The following RBFOX1 variants were observed in gnomAD, a reference collection of about 807,000 sequenced individuals.
RBFOX1 encodes the protein RNA binding fox-1 homolog 1, also known as RNA binding protein fox-1 homolog 1.
Under a neutral mutation model 57.7 loss-of-function variants are expected in RBFOX1, and 8 were observed. That is an observed-to-expected ratio of 0.14 (90% CI 0.08 to 0.25). The LOEUF is 0.25. Among genes scored for constraint, RBFOX1 ranks in the 10% least tolerant of loss-of-function variants. RBFOX1 has a pLI of 1.00. For synonymous variants in RBFOX1, 326 were observed against 222.4 expected, an observed-to-expected ratio of 1.47 and a Z score of -4.15; for missense variants, 611 against 548.5, an observed-to-expected ratio of 1.11 and a Z score of -1.14.
intron 1 of RBFOX1, among the ~76,000 whole-genome samples, chr16:5,388,741 A>AT (rs1324808079): frequency 1.3e-5 from 2 of 151,686 alleles, no homozygotes; most frequent in Admixed American, 6.6e-5. Context: ...TGCCCAGCTA[A>AT]TTTTTTTGTA....
intron 4 of RBFOX1, among the ~76,000 whole-genome samples, chr16:7,295,132 T>C (rs1388810045): frequency 2.6e-5 from 4 of 152,218 alleles, no homozygotes; most frequent in Non-Finnish European, 5.9e-5. Flanking sequence ...GTGAAGATTT[T>C]AGTTGACAAG....
intron 3 of RBFOX1, among the ~76,000 whole-genome samples, chr16:6,802,219 G>C (rs148366360): frequency 3.0e-4 from 45 of 152,204 alleles, no homozygotes; most frequent in African/African-American, 1.0e-3. Flanking sequence ...GGCTGCCTCA[G>C]CTTTTATTAT....
chr16:7,379,597 A>G (rs1035250542), intron 4 of RBFOX1, among the ~76,000 whole-genome samples: 69 of 152,352 alleles, frequency 4.5e-4, no homozygotes, highest in African/African-American at 1.6e-3. Flanking sequence ...AAGAAACTCA[A>G]AATTCAGGAT....
At position 5,668,773 on chromosome 16, in the gene RBFOX1, T is replaced by G. The variant is rs74004469; in HGVS notation, c.318+69812T>G. Reference sequence around the variant, plus strand: ...TGTTTTAGGTGCCTGGTCTAACATATGAGGTCATTCACCATTATCTCGGAA... The same window carrying G: ...TGTTTTAGGTGCCTGGTCTAACATAGGAGGTCATTCACCATTATCTCGGAA... On this transcript the variant is annotated intron_variant, in intron 3 of 19. Transcript: ENST00000641259. 5.0e-3 allele frequency among the ~76,000 whole-genome samples: 757 copies of G among 152,318 alleles called. 5 individuals are homozygous for G. The highest frequency in any genetic ancestry group is 0.016 in the African/African-American group (658 of 41,570).
intron 1 of RBFOX1, among the ~76,000 whole-genome samples, chr16:5,447,699 A>G (rs990982959): frequency 4.6e-5 from 7 of 152,286 alleles, no homozygotes; most frequent in African/African-American, 1.2e-4. Context: ...CCCGGCTGCC[A>G]TTCTCTCTTT....
intron 2 of RBFOX1, among the ~76,000 whole-genome samples, chr16:6,481,482 C>T (rs767915913): frequency 3.3e-5 from 5 of 152,220 alleles, no homozygotes; most frequent in Non-Finnish European, 7.3e-5. Context: ...GCCACCCGCA[C>T]CATGCGTCCC....
At chr16:7,383,635 C>T (rs568215308) in intron 4 of RBFOX1, among the ~76,000 whole-genome samples, 1 of 152,226 alleles carries the variant, frequency 6.6e-6, no homozygotes, top group African/African-American at 2.4e-5. Context: ...GAATATGACA[C>T]CTTCATGATA....
intron 3 of RBFOX1, among the ~76,000 whole-genome samples, chr16:5,700,114 G>T (rs1318917102): frequency 6.6e-6 from 1 of 152,212 alleles, no homozygotes; most frequent in Non-Finnish European, 1.5e-5. Context: ...TTACAGGCGT[G>T]AGCCACCATG....
chr16:6,438,360 A>T (rs539596724), intron 2 of RBFOX1, among the ~76,000 whole-genome samples: 1 of 152,316 alleles, frequency 6.6e-6, no homozygotes, highest in African/African-American at 2.4e-5. Flanking sequence ...TAATCTGGCC[A>T]GGCCACTTAC....
chr16:6,730,946 A>T (rs2068425509), intron 3 of RBFOX1, among the ~76,000 whole-genome samples: 1 of 152,214 alleles, frequency 6.6e-6, no homozygotes, highest in African/African-American at 2.4e-5. Flanking sequence ...AGCTAGCTCC[A>T]CAATGATCAA....
chr16:6,881,640 T>A (rs1249127830), intron 3 of RBFOX1, among the ~76,000 whole-genome samples: 1 of 152,200 alleles, frequency 6.6e-6, no homozygotes, highest in Non-Finnish European at 1.5e-5. Context: ...TCTGCAAATA[T>A]TCCATCTTCA....
chr16:6,084,305 A>T (rs1040552519), intron 1 of RBFOX1, among the ~76,000 whole-genome samples: 5 of 151,986 alleles, frequency 3.3e-5, no homozygotes, highest in African/African-American at 1.2e-4. Flanking sequence ...GAGCAGTGAT[A>T]TTATCGTGAC....
rs555753782 is a variant in RBFOX1, at chr16:5,750,551, C to G, written c.319-116752C>G. On this transcript the variant is annotated intron_variant, in intron 3 of 19. Transcript: ENST00000641259. ...TTCCCATCTGCTTTGTTTACCTACT[C>G]AAGCCTCAGCAATGGCAGGCGCCCC... is the stretch of plus-strand genomic sequence containing the variant. Among the ~76,000 whole-genome samples, 338 of 152,336 alleles carry G rather than the reference C, an allele frequency of 2.2e-3. 2 individuals are homozygous for G. Among genetic ancestry groups the G allele is most frequent in the Admixed American group, 3.9e-3 (59 of 15,304 alleles).
At chr16:7,496,582 T>C (rs1599994492) in intron 4 of RBFOX1, among the ~76,000 whole-genome samples, 1 of 152,246 alleles carries the variant, frequency 6.6e-6, no homozygotes, top group East Asian at 1.9e-4. Context: ...ATACCATTTC[T>C]GTACCCCCAA....
At chr16:7,179,051 G>A (rs1237689498) in intron 4 of RBFOX1, among the ~76,000 whole-genome samples, 2 of 152,008 alleles carry the variant, frequency 1.3e-5, no homozygotes, top group Non-Finnish European at 2.9e-5. Context: ...TATTTTTATG[G>A]CTATTTCTTT....
At chr16:7,506,677 T>G (rs186459000) in intron 4 of RBFOX1, among the ~76,000 whole-genome samples, 305 of 152,302 alleles carry the variant, frequency 2.0e-3, no homozygotes, top group African/African-American at 7.0e-3. Flanking sequence ...AGACTCATAA[T>G]AAGATTGTGT....
Position 6,580,928 on chromosome 16 carries a change from C to CT in RBFOX1, c.-63-73668dup, listed in dbSNP as rs796676959. Among the ~76,000 whole-genome samples, 9 of 146,730 alleles carry CT rather than the reference C, an allele frequency of 6.1e-5. No individual in the cohort carries two copies. In the South Asian group the frequency reaches 1.7e-3, roughly 28 times the overall value. ...GCTTGCTTTTTTTTTTTTTTTTGCC[C>CT]TTTTTTTCCCCCAAAATCATAATTG... On this transcript the variant is annotated intron_variant, in intron 2 of 15. Transcript: ENST00000550418.
chr16:6,847,663 A>G (rs1457911360), intron 3 of RBFOX1, among the ~76,000 whole-genome samples: 2 of 152,150 alleles, frequency 1.3e-5, no homozygotes, highest in African/African-American at 4.8e-5. Flanking sequence ...ACCACAGCAT[A>G]ACTACAAGAG....
intron 4 of RBFOX1, among the ~76,000 whole-genome samples, chr16:7,091,339 C>A (rs927277822): frequency 2.0e-5 from 3 of 151,332 alleles, no homozygotes; most frequent in African/African-American, 7.3e-5. Flanking sequence ...TTTATCGTTT[C>A]ACACTTCATC....
Sources: gnomAD v4.1 joint callset for allele counts (sites outside exome capture counted in the v4.1 genomes callset) on GRCh38, gnomAD v4.1.1 for gene constraint, MANE v1.5 for transcripts, NCBI Gene and HGNC (gene_info 2026-07-23, HGNC 2026-07-21) for gene names.